The following MCF2L2 variants were observed in gnomAD, a reference collection of about 807,000 sequenced individuals.
MCF2L2 encodes the protein MCF.2 cell line derived transforming sequence-like 2, also known as probable guanine nucleotide exchange factor MCF2L2.
Under a neutral mutation model 150.2 loss-of-function variants are expected in MCF2L2, and 102 were observed. The observed-to-expected ratio is 0.68, with a 90% CI of 0.58 to 0.80. MCF2L2 has a LOEUF of 0.80. Among genes scored for constraint, MCF2L2 ranks in the 30% least tolerant of loss-of-function variants. The pLI, the probability that MCF2L2 is intolerant of heterozygous loss-of-function variation, is 0.00. For synonymous variants in MCF2L2, 465 were observed against 491.3 expected, an observed-to-expected ratio of 0.95 and a Z score of 0.71; for missense variants, 1,256 against 1,372.8, an observed-to-expected ratio of 0.91 and a Z score of 1.34.
intron 27 of MCF2L2, among the ~76,000 whole-genome samples, chr3:183,182,189 A>T (rs893747812): frequency 5.3e-5 from 8 of 152,120 alleles, no homozygotes; most frequent in African/African-American, 1.9e-4. Context: ...GAACGTGGAA[A>T]GAGGAAGGAT....
At chr3:183,341,518 A>G (rs1730693900) in intron 4 of MCF2L2, 22 bp downstream of exon 4, 11 of 1,555,346 alleles carry the variant, frequency 7.1e-6, no homozygotes, top group Non-Finnish European at 9.8e-6. Context: ...TTTATAATAA[A>G]AGCACAAAAA....
At chr3:183,348,049 G>A (rs990353531) in intron 3 of MCF2L2, among the ~76,000 whole-genome samples, 2 of 152,050 alleles carry the variant, frequency 1.3e-5, no homozygotes, top group Admixed American at 6.6e-5. Context: ...TCCCATTACC[G>A]GGTATATACC....
At chr3:183,419,233 C>T (rs1715752325) in intron 1 of MCF2L2, among the ~76,000 whole-genome samples, 3 of 152,214 alleles carry the variant, frequency 2.0e-5, no homozygotes, top group African/African-American at 2.4e-5. Flanking sequence ...TGTCACAAGG[C>T]TACACAGAGC....
chr3:183,377,035 A>T (rs1372162195), intron 3 of MCF2L2: 1 of 152,172 alleles, frequency 6.6e-6, no homozygotes, highest in Non-Finnish European at 1.5e-5. Flanking sequence ...TGGCATTTTT[A>T]AATTTTTACT....
chr3:183,404,955 G>T (rs894408573), intron 1 of MCF2L2, among the ~76,000 whole-genome samples: 1 of 151,868 alleles, frequency 6.6e-6, no homozygotes, highest in African/African-American at 2.4e-5. Context: ...GGGAAACTGG[G>T]AATAACCTAT....
At chr3:183,215,864 C>G in intron 22 of MCF2L2, 105 bp downstream of exon 22, 1 of 1,373,592 alleles carries the variant, frequency 7.3e-7, no homozygotes, top group East Asian at 2.6e-5. Context: ...GAGTCCAATT[C>G]CTTTACCATA....
intron 2 of MCF2L2, among the ~76,000 whole-genome samples, chr3:183,380,458 G>A (rs1713456234): frequency 1.3e-5 from 2 of 152,162 alleles, no homozygotes; most frequent in Admixed American, 1.3e-4. Flanking sequence ...CTAGAGTGCA[G>A]TGGTGCAATA....
intron 21 of MCF2L2, among the ~76,000 whole-genome samples, chr3:183,218,068 C>T (rs2108658480): frequency 6.6e-6 from 1 of 152,326 alleles, no homozygotes; most frequent in South Asian, 2.1e-4. Flanking sequence ...AGCCCCTTTG[C>T]TGCTCCGCAT....
Position 183,289,184 on chromosome 3 carries a change from G to C in MCF2L2, c.1712C>G (p.Pro571Arg). The C allele has an allele frequency of 1.9e-6, 3 of 1,613,936 alleles. No homozygotes were observed. Among genetic ancestry groups the C allele is most frequent in the Non-Finnish European group, 2.5e-6 (3 of 1,179,886 alleles). Reference protein sequence around the residue: ...LARPLRTSEEPYTETELNSRG... With the variant: ...LARPLRTSEERYTETELNSRG... ...GGAGTTCAACTCTGTCTCCGTATAAGGTTCCTCAGACGTTCTCAGAGGACG... is the reference window on the plus strand; with the variant it reads ...GGAGTTCAACTCTGTCTCCGTATAACGTTCCTCAGACGTTCTCAGAGGACG... Residue 571 changes from proline to arginine, a missense_variant, in exon 14 of 30, where the codon CCT becomes CGT. By Grantham distance (103) the Pro-to-Arg change is moderately radical (BLOSUM62 -2). Coordinates refer to ENST00000328913, the MANE Select transcript of MCF2L2 (RefSeq NM_015078.4).
intron 27 of MCF2L2, among the ~76,000 whole-genome samples, chr3:183,184,210 G>T (rs1033377773): frequency 6.6e-6 from 1 of 152,118 alleles, no homozygotes; most frequent in African/African-American, 2.4e-5. Context: ...TAGAGACAGG[G>T]TTTCACCATA....
At chr3:183,355,423 T>C (rs1306880025) in intron 3 of MCF2L2, among the ~76,000 whole-genome samples, 2 of 151,334 alleles carry the variant, frequency 1.3e-5, no homozygotes, top group Non-Finnish European at 2.9e-5. Flanking sequence ...AAATAATTAC[T>C]TAGCTACCAT....
intron 5 of MCF2L2, among the ~76,000 whole-genome samples, chr3:183,332,299 T>G (rs1730305370): frequency 6.6e-6 from 1 of 152,104 alleles, no homozygotes; most frequent in African/African-American, 2.4e-5. Context: ...GAACTTGCAT[T>G]AAAGAATGCC....
At chr3:183,202,019 C>G (rs1279133242) in intron 25 of MCF2L2, among the ~76,000 whole-genome samples, 1 of 152,148 alleles carries the variant, frequency 6.6e-6, no homozygotes, top group Non-Finnish European at 1.5e-5. Flanking sequence ...TCTATCCTCC[C>G]CTTCCTTGGT....
At chr3:183,180,184 G>A in intron 27 of MCF2L2, 25 bp from the exon 28 acceptor site, 1 of 1,480,970 alleles carries the variant, frequency 6.8e-7, no homozygotes, top group Non-Finnish European at 9.4e-7. Context: ...GGGAAGGATG[G>A]GGCCTCTGTG....
intron 22 of MCF2L2, among the ~76,000 whole-genome samples, chr3:183,210,797 T>C (rs1225954861): frequency 6.6e-6 from 1 of 152,168 alleles, no homozygotes; most frequent in Non-Finnish European, 1.5e-5. Flanking sequence ...TTGTGCTTTA[T>C]TACCTCTGAA....
At chr3:183,208,951 T>C (rs975562842) in intron 22 of MCF2L2, among the ~76,000 whole-genome samples, 4 of 152,258 alleles carry the variant, frequency 2.6e-5, no homozygotes, top group African/African-American at 9.6e-5. Flanking sequence ...TGGCGTTATT[T>C]CCTATGTTAA....
At chr3:183,225,189 C>A (rs1290166411) in intron 18 of MCF2L2, 1 of 152,248 alleles carries the variant, frequency 6.6e-6, no homozygotes, top group Non-Finnish European at 1.5e-5. Context: ...TGGATGACTT[C>A]CATTTCTGTA....
At chr3:183,244,032 G>A (rs577395086) in intron 15 of MCF2L2, among the ~76,000 whole-genome samples, 10 of 152,180 alleles carry the variant, frequency 6.6e-5, no homozygotes, top group Middle Eastern at 3.4e-3. Flanking sequence ...GCTGAGGCAG[G>A]AGAATGGCAT....
Position 183,207,084 on chromosome 3 carries a change from A to G in MCF2L2, c.2712+524T>C, listed in dbSNP as rs111653814. ...CAGCTTTAATCACAACAGCATAAAT[A>G]TATATGGGTGTGGCTCCTGTATGTG... On this transcript the variant is annotated intron_variant, in intron 23 of 29. Coordinates refer to ENST00000328913, the MANE Select transcript of MCF2L2 (RefSeq NM_015078.4). Among the ~76,000 whole-genome samples, 1,209 of 151,954 alleles carry G rather than the reference A, an allele frequency of 8.0e-3. 14 individuals are homozygous for G. The highest frequency in any genetic ancestry group is 0.028 in the African/African-American group (1,136 of 41,278).
Sources: gnomAD v4.1 joint callset for allele counts (sites outside exome capture counted in the v4.1 genomes callset) on GRCh38, gnomAD v4.1.1 for gene constraint, MANE v1.5 for transcripts, NCBI Gene and HGNC (gene_info 2026-07-23, HGNC 2026-07-21) for gene names.